The following SOBP variants were observed in gnomAD, a reference collection of about 807,000 sequenced individuals.
SOBP encodes the protein sine oculis binding protein homolog, also known as sine oculis-binding protein homolog.
Under a neutral mutation model 53.6 loss-of-function variants are expected in SOBP, and 4 were observed. The ratio of observed to expected loss-of-function variants is 0.07; its 90% CI spans 0.04 to 0.17. SOBP has a LOEUF of 0.17. Among genes scored for constraint, SOBP ranks in the 10% least tolerant of loss-of-function variants. SOBP has a pLI of 1.00. For missense variants in SOBP, 1,088 were observed against 1,204.7 expected (o/e 0.90, Z 1.43); for synonymous variants, 584 against 522.6 (o/e 1.12, Z -1.60).
In SOBP at chr6:107,502,185, A is replaced by G. The variant is rs545906616; in HGVS notation, c.97-1472A>G. Among the ~76,000 whole-genome samples, 10 of 152,324 alleles carry G rather than the reference A, an allele frequency of 6.6e-5. 1 individual carries two copies. In the South Asian group the frequency reaches 2.1e-3, roughly 32 times the overall value. Reference sequence around the variant, plus strand: ...TTAAAGTCGTGAAATTCAAGAAAACACGGAACTCACACGTTGAGATTGTGC... The same window carrying G: ...TTAAAGTCGTGAAATTCAAGAAAACGCGGAACTCACACGTTGAGATTGTGC... On this transcript the variant is annotated intron_variant, in intron 1 of 6. Coordinates refer to ENST00000317357, the MANE Select transcript of SOBP (RefSeq NM_018013.4).
At position 107,588,433 on chromosome 6, in the gene SOBP, TTTAAC is replaced by T. The variant is rs548121610; in HGVS notation, c.669+1267_669+1271del. On this transcript the variant is annotated intron_variant, in intron 5 of 6. Coordinates refer to ENST00000317357, the MANE Select transcript of SOBP (RefSeq NM_018013.4). ...TATAAATGTAATTTTTTTCTGAAAT[TTTAAC>T]TTAACTTATGTTTTATCTTAGGACT... Among the ~76,000 whole-genome samples the T allele has an allele frequency of 6.9e-3, 1,046 of 152,322 alleles. 1 individual carries two copies. The highest frequency in any genetic ancestry group is 0.011 in the Non-Finnish European group (726 of 68,024).
chr6:107,517,986 A>G (rs1004517843), intron 3 of SOBP, among the ~76,000 whole-genome samples: 7 of 152,214 alleles, frequency 4.6e-5, no homozygotes, highest in African/African-American at 1.2e-4. Context: ...CAATATATCA[A>G]TATAGTTAAA....
At chr6:107,526,869 A>G (rs73516927) in intron 3 of SOBP, among the ~76,000 whole-genome samples, 3,424 of 152,248 alleles carry the variant, frequency 0.022, 151 homozygotes, top group African/African-American at 0.078. Context: ...GAATATTTAG[A>G]TTTTATTTTG....
At chr6:107,566,471 T>C (rs533643042) in intron 4 of SOBP, among the ~76,000 whole-genome samples, 2 of 152,322 alleles carry the variant, frequency 1.3e-5, no homozygotes, top group African/African-American at 4.8e-5. Context: ...TGTTACTGTG[T>C]ATTTTAGCCA....
intron 1 of SOBP, among the ~76,000 whole-genome samples, chr6:107,493,564 C>T (rs1782630156): frequency 6.6e-6 from 1 of 152,134 alleles, no homozygotes; most frequent in Non-Finnish European, 1.5e-5. Context: ...GGTTTCAACA[C>T]TGGTTGGATT....
intron 5 of SOBP, among the ~76,000 whole-genome samples, chr6:107,631,300 A>T (rs1007473426): frequency 6.6e-6 from 1 of 152,184 alleles, no homozygotes; most frequent in Non-Finnish European, 1.5e-5. Context: ...TCAATGATTA[A>T]AGAAGCTATT....
At chr6:107,532,998 C>T (rs549658292) in intron 3 of SOBP, among the ~76,000 whole-genome samples, 2 of 152,204 alleles carry the variant, frequency 1.3e-5, no homozygotes, top group Admixed American at 6.5e-5. Flanking sequence ...CATGGTTGAG[C>T]CTGGCGTCTG....
intron 5 of SOBP, among the ~76,000 whole-genome samples, chr6:107,611,484 C>A (rs1184360143): frequency 1.3e-5 from 2 of 152,214 alleles, no homozygotes; most frequent in African/African-American, 4.8e-5. Context: ...GCAACATTTT[C>A]ATATTTAAAC....
chr6:107,526,007 G>A lies in SOBP; in HGVS notation c.422-7452G>A, dbSNP rs535361401. ...TTGTTGCCCGGGCTGGAGTGCAATGGCACCATCTTGGCTCACTGCAACCTC... is the reference window on the plus strand; with the variant it reads ...TTGTTGCCCGGGCTGGAGTGCAATGACACCATCTTGGCTCACTGCAACCTC... On this transcript the variant is annotated intron_variant, in intron 3 of 6. Transcript: ENST00000317357. Among the ~76,000 whole-genome samples, 7 of 152,050 alleles carry A rather than the reference G, an allele frequency of 4.6e-5. No homozygotes were observed. The East Asian group carries it at 1.2e-3, about 25-fold the overall frequency.
chr6:107,590,892 A>C (rs1039785602), intron 5 of SOBP, among the ~76,000 whole-genome samples: 1 of 152,202 alleles, frequency 6.6e-6, no homozygotes, highest in Non-Finnish European at 1.5e-5. Flanking sequence ...CTCAATAAAC[A>C]TGACATTATT....
intron 6 of SOBP, among the ~76,000 whole-genome samples, chr6:107,645,171 G>A (rs2115168967): frequency 6.6e-6 from 1 of 152,256 alleles, no homozygotes; most frequent in South Asian, 2.1e-4. Context: ...GCATGTGTGT[G>A]TGTGGCCTAT....
chr6:107,645,346 T>C (rs1223149200), intron 6 of SOBP, among the ~76,000 whole-genome samples: 1 of 152,196 alleles, frequency 6.6e-6, no homozygotes, highest in Non-Finnish European at 1.5e-5. Flanking sequence ...ATAGTCTTCA[T>C]TTATTTCCCT....
chr6:107,610,241 C>T (rs1198401726), intron 5 of SOBP, among the ~76,000 whole-genome samples: 1 of 152,168 alleles, frequency 6.6e-6, no homozygotes, highest in South Asian at 2.1e-4. Flanking sequence ...CCAGAGCTCT[C>T]TGGGGTCTCC....
At chr6:107,592,925 A>G (rs551916127) in intron 5 of SOBP, among the ~76,000 whole-genome samples, 1 of 152,336 alleles carries the variant, frequency 6.6e-6, no homozygotes, top group South Asian at 2.1e-4. Flanking sequence ...GGCAGTTCTG[A>G]TAGAGGTGGC....
At chr6:107,570,216 T>C (rs1160809190) in intron 4 of SOBP, among the ~76,000 whole-genome samples, 1 of 152,242 alleles carries the variant, frequency 6.6e-6, no homozygotes, top group Non-Finnish European at 1.5e-5. Context: ...AAAGTAATAT[T>C]GGTCTGGTCT....
intron 5 of SOBP, among the ~76,000 whole-genome samples, chr6:107,607,960 C>G (rs1786450193): frequency 6.6e-6 from 1 of 152,110 alleles, no homozygotes; most frequent in Admixed American, 6.6e-5. Flanking sequence ...TGAGGGGCTA[C>G]TCAAGTGGAA....
At chr6:107,621,990 C>CT (rs1421670650) in intron 5 of SOBP, among the ~76,000 whole-genome samples, 3 of 152,048 alleles carry the variant, frequency 2.0e-5, no homozygotes, top group Non-Finnish European at 4.4e-5. Context: ...TTCTCCCTCT[C>CT]TTTTTTTAAA....
At chr6:107,643,017 T>C (rs1401255996) in intron 6 of SOBP, among the ~76,000 whole-genome samples, 1 of 152,238 alleles carries the variant, frequency 6.6e-6, no homozygotes, top group African/African-American at 2.4e-5. Context: ...TCTGCAAGTG[T>C]TTCTAAAATG....
chr6:107,544,203 A>G (rs987957310), intron 4 of SOBP, among the ~76,000 whole-genome samples: 1 of 152,228 alleles, frequency 6.6e-6, no homozygotes, highest in African/African-American at 2.4e-5. Flanking sequence ...TCTGCTAAAC[A>G]GAAGGAAAAG....
Sources: gnomAD v4.1 joint callset for allele counts (sites outside exome capture counted in the v4.1 genomes callset) on GRCh38, gnomAD v4.1.1 for gene constraint, MANE v1.5 for transcripts, NCBI Gene and HGNC (gene_info 2026-07-23, HGNC 2026-07-21) for gene names.